Variants in GRM8 observed in about 807,000 individuals in gnomAD.
The protein encoded by GRM8 is metabotropic glutamate receptor 8.
GRM8 carries 47 observed loss-of-function variants against 87.2 expected under a neutral mutation model. The observed-to-expected ratio is 0.54, with a 90% confidence interval of 0.43 to 0.69. GRM8 has a LOEUF of 0.69. Ranked by LOEUF, GRM8 falls within the 30% of genes least tolerant of loss-of-function variation. GRM8 has a pLI of 0.00. For missense variants in GRM8, 1,019 were observed against 1,139.2 expected, an observed-to-expected ratio of 0.89 and a Z score of 1.52; for synonymous variants, 396 against 404.5, an observed-to-expected ratio of 0.98 and a Z score of 0.25.
intron 2 of GRM8, among the ~76,000 whole-genome samples, chr7:127,133,433 C>T (rs1309029028): frequency 6.6e-6 from 1 of 150,946 alleles, no homozygotes. Flanking sequence ...AAACCACAAC[C>T]CTGTCTCTAA....
intron 9 of GRM8, among the ~76,000 whole-genome samples, chr7:126,451,988 A>C (rs1802660787): frequency 6.6e-6 from 1 of 151,810 alleles, no homozygotes; most frequent in Non-Finnish European, 1.5e-5. Flanking sequence ...TAGAATAAAA[A>C]TTCCATGAAT....
intron 6 of GRM8, among the ~76,000 whole-genome samples, chr7:126,814,761 AT>A (rs140715115): frequency 5.1e-4 from 75 of 147,210 alleles, no homozygotes; most frequent in Admixed American, 4.8e-4. Context: ...CCATTCTTAT[AT>A]TTTTTTTTTC....
chr7:126,684,366 G>T (rs1204132962), intron 7 of GRM8, among the ~76,000 whole-genome samples: 1 of 152,132 alleles, frequency 6.6e-6, no homozygotes, highest in Non-Finnish European at 1.5e-5. Flanking sequence ...TTGTGTCTTT[G>T]TAACAGGACT....
intron 2 of GRM8, among the ~76,000 whole-genome samples, chr7:127,157,369 G>T (rs1044999825): frequency 2.2e-4 from 34 of 152,044 alleles, no homozygotes; most frequent in African/African-American, 8.2e-4. Context: ...ACTTGTTTTG[G>T]TGCCATGAAT....
Position 126,609,379 on chromosome 7 carries a change from T to G in GRM8, c.1477A>C (p.Asn493His). 2 of 1,613,458 alleles carry G rather than the reference T, an allele frequency of 1.2e-6. No homozygotes were observed. The highest frequency in any genetic ancestry group is 8.5e-7 in the Non-Finnish European group (1 of 1,179,526). The part of the protein sequence containing the change: ...TEYKVIGHWT[N>H]QLHLKVEDMQ... ...ATACTTGCTTTTAGATGAAGCTGATTGGTCCAGTGGCCGATGACTTTGTAC... is the reference window on the plus strand; with the variant it reads ...ATACTTGCTTTTAGATGAAGCTGATGGGTCCAGTGGCCGATGACTTTGTAC... The change falls in exon 8 of 11, where the codon AAT becomes CAT. Residue 493 changes from asparagine to histidine, a missense_variant. By Grantham distance (68) the Asn-to-His change is moderately conservative. Coordinates refer to ENST00000339582, the MANE Select transcript of GRM8 (RefSeq NM_000845.3).
At chr7:127,148,276 C>T (rs1828657821) in intron 2 of GRM8, among the ~76,000 whole-genome samples, 2 of 151,894 alleles carry the variant, frequency 1.3e-5, no homozygotes, top group Admixed American at 6.6e-5. Context: ...ATCAAGAGGA[C>T]ATGGCTATTG....
At chr7:126,814,524 G>A (rs1793590804) in intron 6 of GRM8, among the ~76,000 whole-genome samples, 1 of 152,066 alleles carries the variant, frequency 6.6e-6, no homozygotes, top group Non-Finnish European at 1.5e-5. Context: ...TTCAGAAGCA[G>A]ATGGCTGATC....
intron 7 of GRM8, among the ~76,000 whole-genome samples, chr7:126,675,057 C>A (rs1806799050): frequency 6.6e-6 from 1 of 152,092 alleles, no homozygotes. Flanking sequence ...AAATTCTAAC[C>A]CTAAATGTAA....
At chr7:127,178,189 T>G (rs1317657259) in intron 2 of GRM8, among the ~76,000 whole-genome samples, 1 of 152,076 alleles carries the variant, frequency 6.6e-6, no homozygotes, top group Admixed American at 6.6e-5. Context: ...TAGACACACT[T>G]TTAGAAATGT....
At chr7:126,517,006 T>G (rs1005635694) in intron 9 of GRM8, among the ~76,000 whole-genome samples, 2 of 152,080 alleles carry the variant, frequency 1.3e-5, no homozygotes, top group Non-Finnish European at 2.9e-5. Flanking sequence ...CTCTTTCTAC[T>G]TAGTCATATT....
At chr7:126,608,923 CT>C (rs1249814749) in intron 8 of GRM8, among the ~76,000 whole-genome samples, 1 of 152,102 alleles carries the variant, frequency 6.6e-6, no homozygotes, top group Non-Finnish European at 1.5e-5. Flanking sequence ...ACCACCACCC[CT>C]GGCTAATTTT....
intron 9 of GRM8, among the ~76,000 whole-genome samples, chr7:126,532,695 A>G (rs1428088283): frequency 6.7e-6 from 1 of 149,728 alleles, no homozygotes; most frequent in Non-Finnish European, 1.5e-5. Flanking sequence ...AGGACACATT[A>G]AAGTGTTTTT....
intron 8 of GRM8, among the ~76,000 whole-genome samples, chr7:126,569,756 G>C (rs1404927984): frequency 6.6e-6 from 1 of 152,178 alleles, no homozygotes; most frequent in Non-Finnish European, 1.5e-5. Flanking sequence ...CATTTAGAAA[G>C]AAAATCTACT....
chr7:126,748,602 G>GT (rs35336284), intron 7 of GRM8, among the ~76,000 whole-genome samples: 5,601 of 118,656 alleles, frequency 0.047, 270 homozygotes, highest in African/African-American at 0.13. Flanking sequence ...AGCAGGTCGG[G>GT]TTTTTTTTTT....
At chr7:126,708,196 C>G (rs1810743174) in intron 7 of GRM8, among the ~76,000 whole-genome samples, 1 of 151,986 alleles carries the variant, frequency 6.6e-6, no homozygotes, top group Non-Finnish European at 1.5e-5. Context: ...TCACTACACA[C>G]CTTTTAGAAT....
At chr7:126,729,835 A>G (rs61305890) in intron 7 of GRM8, among the ~76,000 whole-genome samples, 3,595 of 152,240 alleles carry the variant, frequency 0.024, 147 homozygotes, top group African/African-American at 0.082. Context: ...ATTGAGGCAA[A>G]AGTAAAGACC....
Position 127,243,376 on chromosome 7 carries a change from A to T in GRM8, c.-172T>A. 1.7e-6 allele frequency: 1 copy of T among 603,506 alleles called. No individual in the cohort carries two copies. The highest frequency in any genetic ancestry group is 3.1e-5 in the Admixed American group (1 of 32,320). 37.4% of individuals were successfully genotyped at this position (603,506 alleles called of 1,614,324 possible). A position where few individuals can be genotyped will look rare whatever the true frequency, so the allele number is the denominator to read the frequency against. On this transcript the variant is annotated 5_prime_UTR_variant, in exon 2 of 11. Transcript: ENST00000339582. ...TTGAATGTCACAGTGAATTTCCATC[A>T]GACCCCTAAGGTTCAATTTTATTTC...
intron 7 of GRM8, among the ~76,000 whole-genome samples, chr7:126,643,283 C>A (rs1802609454): frequency 2.5e-5 from 2 of 80,366 alleles, no homozygotes; most frequent in African/African-American, 1.0e-4. Context: ...AGAGTGAGAA[C>A]TTGTCTCAAA....
chr7:126,770,113 A>T (rs1311817085), intron 6 of GRM8, 48 bp from the exon 7 acceptor site: 1 of 1,283,016 alleles, frequency 7.8e-7, no homozygotes, highest in African/African-American at 1.5e-5. Context: ...AGATTCCAAT[A>T]AAAGACAGCA....
Sources: gnomAD v4.1 joint callset for allele counts (sites outside exome capture counted in the v4.1 genomes callset) on GRCh38, gnomAD v4.1.1 for gene constraint, MANE v1.5 for transcripts, NCBI Gene and HGNC (gene_info 2026-07-23, HGNC 2026-07-21) for gene names.